Variants in BNC2 observed in about 807,000 individuals in gnomAD.
BNC2 encodes the protein basonuclin zinc finger protein 2.
Under a neutral mutation model 76.3 loss-of-function variants are expected in BNC2, and 20 were observed. The ratio of observed to expected loss-of-function variants is 0.26; its 90% CI spans 0.18 to 0.38. The LOEUF (loss-of-function observed/expected upper bound fraction) is 0.38, where lower values mean the gene tolerates loss of function less well. Among genes scored for constraint, BNC2 ranks in the 10% least tolerant of loss-of-function variants. The pLI is 1.00. For synonymous variants in BNC2, 582 were observed against 514.8 expected, an observed-to-expected ratio of 1.13 and a Z score of -1.77; for missense variants, 1,382 against 1,399.8, an observed-to-expected ratio of 0.99 and a Z score of 0.20.
intron 4 of BNC2, among the ~76,000 whole-genome samples, chr9:16,563,274 T>C (rs1028964960): frequency 6.6e-6 from 1 of 152,212 alleles, no homozygotes; most frequent in Admixed American, 6.5e-5. Flanking sequence ...TTCTCAATCT[T>C]TTCTGGGTAT....
intron 2 of BNC2, among the ~76,000 whole-genome samples, chr9:16,730,371 C>A (rs1425631765): frequency 1.3e-5 from 2 of 152,098 alleles, no homozygotes; most frequent in African/African-American, 4.8e-5. Flanking sequence ...TCAAAGCAAG[C>A]CCAAGCAAGG....
At chr9:16,767,880 T>C (rs1825738344) in intron 1 of BNC2, among the ~76,000 whole-genome samples, 1 of 151,918 alleles carries the variant, frequency 6.6e-6, no homozygotes, top group Non-Finnish European at 1.5e-5. Flanking sequence ...ATTTCACTAG[T>C]GAATACTTCA....
At chr9:16,679,156 A>G (rs942391324) in intron 3 of BNC2, among the ~76,000 whole-genome samples, 3 of 152,138 alleles carry the variant, frequency 2.0e-5, no homozygotes, top group Non-Finnish European at 4.4e-5. Flanking sequence ...TCAGCCTGGC[A>G]AAACACCTCC....
intron 1 of BNC2, among the ~76,000 whole-genome samples, chr9:16,835,678 G>C (rs1818690216): frequency 6.6e-6 from 1 of 152,128 alleles, no homozygotes; most frequent in African/African-American, 2.4e-5. Context: ...CTCCAGCCTG[G>C]GCAACAGAGC....
intron 5 of BNC2, among the ~76,000 whole-genome samples, chr9:16,452,960 T>G (rs1821373707): frequency 6.6e-6 from 1 of 152,154 alleles, no homozygotes. Flanking sequence ...CTATCTGAAT[T>G]CTGAAAACAA....
At chr9:16,818,091 G>C (rs1459976915) in intron 1 of BNC2, among the ~76,000 whole-genome samples, 1 of 152,006 alleles carries the variant, frequency 6.6e-6, no homozygotes, top group South Asian at 2.1e-4. Flanking sequence ...GCCTGCAACT[G>C]CAACTATAAA....
At chr9:16,475,413 C>A (rs186729864) in intron 5 of BNC2, among the ~76,000 whole-genome samples, 38 of 152,312 alleles carry the variant, frequency 2.5e-4, no homozygotes, top group South Asian at 6.2e-4. Context: ...GGGCTCTCTA[C>A]TTAATGTGAT....
At chr9:16,777,111 G>A (rs1296061029) in intron 1 of BNC2, among the ~76,000 whole-genome samples, 1 of 151,978 alleles carries the variant, frequency 6.6e-6, no homozygotes, top group African/African-American at 2.4e-5. Context: ...GGGCGACAGA[G>A]TGAGACTCCT....
At chr9:16,799,914 T>G (rs1285641949) in intron 1 of BNC2, among the ~76,000 whole-genome samples, 1 of 152,154 alleles carries the variant, frequency 6.6e-6, no homozygotes, top group Non-Finnish European at 1.5e-5. Context: ...AAAGGAACTT[T>G]GGCTCACACA....
intron 1 of BNC2, among the ~76,000 whole-genome samples, chr9:16,819,827 T>A (rs1013885633): frequency 2.0e-5 from 3 of 151,562 alleles, no homozygotes; most frequent in Admixed American, 2.0e-4. Flanking sequence ...TTTTTTTATC[T>A]CTAAAAATGG....
chr9:16,581,435 G>GT (rs1243884172), intron 4 of BNC2, among the ~76,000 whole-genome samples: 3 of 152,184 alleles, frequency 2.0e-5, no homozygotes, highest in Non-Finnish European at 4.4e-5. Flanking sequence ...GCGCATGCCT[G>GT]TAATCCCAGC....
rs190649218 is a variant in BNC2, at chr9:16,849,418, G to T, written c.3+21228C>A. Among the ~76,000 whole-genome samples, 16 of 144,886 alleles carry T rather than the reference G, an allele frequency of 1.1e-4. No individual in the cohort carries two copies. The East Asian group carries it at 3.2e-3, about 29-fold the overall frequency. On this transcript the variant is annotated intron_variant, in intron 1 of 6. Coordinates refer to ENST00000380672, the MANE Select transcript of BNC2 (RefSeq NM_017637.6). ...CTGTCGCCCAGGCTGGAGTACAGTG[G>T]CGCAATCTCGGCTCGCTGCAACCTC...
At chr9:16,676,670 C>T (rs1275309794) in intron 3 of BNC2, among the ~76,000 whole-genome samples, 1 of 152,172 alleles carries the variant, frequency 6.6e-6, no homozygotes, top group Non-Finnish European at 1.5e-5. Context: ...ACCTGAGACA[C>T]AGGAATTCAC....
At chr9:16,722,074 A>G (rs1824173654) in intron 3 of BNC2, among the ~76,000 whole-genome samples, 1 of 152,212 alleles carries the variant, frequency 6.6e-6, no homozygotes, top group South Asian at 2.1e-4. Context: ...TGTGTAATGC[A>G]TACAAGGTAG....
chr9:16,470,743 A>G (rs1346387628), intron 5 of BNC2, among the ~76,000 whole-genome samples: 1 of 152,212 alleles, frequency 6.6e-6, no homozygotes, highest in African/African-American at 2.4e-5. Context: ...GAAGTTTCGG[A>G]ACCTCCGCCT....
intron 5 of BNC2, among the ~76,000 whole-genome samples, chr9:16,475,163 G>A (rs944005455): frequency 6.6e-6 from 1 of 152,114 alleles, no homozygotes; most frequent in South Asian, 2.1e-4. Flanking sequence ...TGAAGATAAG[G>A]ACACTGGGTT....
chr9:16,814,797 G>A (rs541866436), intron 1 of BNC2, among the ~76,000 whole-genome samples: 1 of 152,156 alleles, frequency 6.6e-6, no homozygotes, highest in South Asian at 2.1e-4. Context: ...ACATTATGGT[G>A]ATTCTACCTC....
chr9:16,633,404 C>A (rs1251988037), intron 3 of BNC2, among the ~76,000 whole-genome samples: 1 of 152,198 alleles, frequency 6.6e-6, no homozygotes, highest in East Asian at 1.9e-4. Flanking sequence ...TCATTTATGG[C>A]TACTCTGAAG....
chr9:16,496,757 A>G (rs1398297189), intron 5 of BNC2, among the ~76,000 whole-genome samples: 3 of 152,222 alleles, frequency 2.0e-5, no homozygotes, highest in Admixed American at 2.0e-4. Context: ...CTCAACAATC[A>G]AAATATTCTA....
Sources: allele counts gnomAD v4.1 joint callset (sites outside exome capture counted in the v4.1 genomes callset), GRCh38; gene constraint gnomAD v4.1.1; transcripts MANE v1.5; gene names NCBI Gene and HGNC (gene_info 2026-07-23, HGNC 2026-07-21).